Variants in PDXK observed in about 807,000 individuals in gnomAD.
PDXK encodes epididymis secretory sperm binding protein Li 1a.
In PDXK, 15 loss-of-function variants were observed where a neutral mutation model predicts 43.2. The ratio of observed to expected loss-of-function variants is 0.35; its 90% confidence interval spans 0.23 to 0.53. The LOEUF is 0.53. PDXK is among the 20% of genes least tolerant of loss of function. PDXK has a pLI of 0.92. For synonymous variants in PDXK, 172 were observed against 165.4 expected (o/e 1.04, Z -0.31); for missense variants, 343 against 417.0 (o/e 0.82, Z 1.54).
Position 43,755,121 on chromosome 21 carries a change from G to A in PDXK, c.760-577G>A, listed in dbSNP as rs539002811. ...CAAGGTCACATTCTGGGTTTGGCCAGCCCAGGGTTGTGGAGTCGGGGAGCG... is the reference window on the plus strand; with the variant it reads ...CAAGGTCACATTCTGGGTTTGGCCAACCCAGGGTTGTGGAGTCGGGGAGCG... On this transcript the variant is annotated intron_variant, in intron 9 of 10. Transcript: ENST00000291565. Among the ~76,000 whole-genome samples, 272 of 152,344 alleles carry A rather than the reference G, an allele frequency of 1.8e-3. 1 individual carries two copies. The highest frequency in any genetic ancestry group is 4.1e-3 in the South Asian group (20 of 4,826).
At chr21:43,720,512 G>A (rs1344524640) in intron 1 of PDXK, among the ~76,000 whole-genome samples, 3 of 152,206 alleles carry the variant, frequency 2.0e-5, no homozygotes, top group Non-Finnish European at 4.4e-5. Context: ...GTTCGAGTCC[G>A]AAGTAAGTGG....
rs2083882204 is a variant in PDXK, at chr21:43,758,136, G to C, written c.*2073G>C. 1 of 153,730 alleles carries C rather than the reference G, an allele frequency of 6.5e-6. No homozygotes were observed. The highest frequency in any genetic ancestry group is 2.1e-4 in the South Asian group (1 of 4,832). The allele number at this position is 153,730 out of a possible 1,614,324, so 9.5% of individuals were successfully genotyped here. A position where few individuals can be genotyped will look rare whatever the true frequency, so the allele number is the denominator to read the frequency against. On this transcript the variant is annotated 3_prime_UTR_variant, in exon 11 of 11. Coordinates refer to ENST00000291565, the MANE Select transcript of PDXK (RefSeq NM_003681.5). ...TCTGCCCCTGCAGTGGGTGTTACGGGCGGTGTGCCCTGGCGAGCAAGCTTT... is the reference window on the plus strand; with the variant it reads ...TCTGCCCCTGCAGTGGGTGTTACGGCCGGTGTGCCCTGGCGAGCAAGCTTT...
intron 2 of PDXK, 145 bp from the exon 3 acceptor site, chr21:43,741,522 A>G (rs754559436): frequency 1.4e-6 from 2 of 1,470,308 alleles, no homozygotes; most frequent in East Asian, 2.5e-5. Context: ...CACTGCGCCT[A>G]GTGATCTCCT....
At chr21:43,739,905 C>T (rs535640205) in intron 2 of PDXK, among the ~76,000 whole-genome samples, 2 of 151,072 alleles carry the variant, frequency 1.3e-5, no homozygotes, top group East Asian at 3.9e-4. Context: ...TTACCCCAAA[C>T]CCCGCCCCAG....
At chr21:43,729,687 T>G (rs2083293549) in intron 1 of PDXK, among the ~76,000 whole-genome samples, 1 of 152,142 alleles carries the variant, frequency 6.6e-6, no homozygotes, top group Non-Finnish European at 1.5e-5. Context: ...GCCTTGTTAT[T>G]GCACCACTTT....
Position 43,732,663 on chromosome 21 carries a change from G to T in PDXK, c.88-1406G>T. 1.3e-6 allele frequency: 1 copy of T among 777,828 alleles called. No individual in the cohort carries two copies. The highest frequency in any genetic ancestry group is 2.4e-6 in the Non-Finnish European group (1 of 417,028). 48.2% of individuals were successfully genotyped at this position (777,828 alleles called of 1,614,324 possible). A position where few individuals can be genotyped will look rare whatever the true frequency, so the allele number is the denominator to read the frequency against. On this transcript the variant is annotated intron_variant, in intron 1 of 10. Coordinates refer to ENST00000291565, the MANE Select transcript of PDXK (RefSeq NM_003681.5). The surrounding 1 kb of genome is among the most constrained non-coding windows in gnomAD (Gnocchi z 4.1). The stretch of plus-strand genomic sequence containing the variant: ...TTCACAGTCGGTTAGAATTTTAAAG[G>T]ATTTGAAATACTGCAAGCTATCTGT...
intron 6 of PDXK, 87 bp from the exon 7 acceptor site, chr21:43,750,413 G>A (rs2083714029): frequency 8.2e-7 from 1 of 1,212,872 alleles, no homozygotes; most frequent in East Asian, 2.6e-5. Flanking sequence ...GATTTCCAGA[G>A]CCGCTGCGGT....
chr21:43,749,810 C>T (rs2083702927), intron 6 of PDXK, among the ~76,000 whole-genome samples: 1 of 152,212 alleles, frequency 6.6e-6, no homozygotes, highest in Non-Finnish European at 1.5e-5. Context: ...TCACCTGCCG[C>T]CCTGTGAGGG....
chr21:43,741,796 AGG>A, intron 3 of PDXK, 25 bp downstream of exon 3: 2 of 1,481,622 alleles, frequency 1.3e-6, no homozygotes, highest in Non-Finnish European at 1.9e-6. Flanking sequence ...AAGCTGCCGC[AGG>A]GGACTACGCA....
chr21:43,733,439 A>G (rs371220695), intron 1 of PDXK, among the ~76,000 whole-genome samples: 1 of 152,134 alleles, frequency 6.6e-6, no homozygotes, highest in East Asian at 1.9e-4. Flanking sequence ...CCCCCAAACT[A>G]GCGGAGGCCG....
Position 43,734,867 on chromosome 21 carries a change from C to T in PDXK, c.142+744C>T, listed in dbSNP as rs1402608159. ...TCTTTGAAACCCCACCTCGCTTCCC[C>T]TGAAATTTCTCTGAACCCAGGCGGA... On this transcript the variant is annotated intron_variant, in intron 2 of 10. Transcript: ENST00000291565. This position sits in a 1 kb window ranked among gnomAD's most constrained non-coding sequence, Gnocchi z 5.0. 6.6e-6 allele frequency among the ~76,000 whole-genome samples: 1 copy of T among 152,238 alleles called. No individual in the cohort carries two copies. Among genetic ancestry groups the T allele is most frequent in the Non-Finnish European group, 1.5e-5 (1 of 68,052 alleles).
chr21:43,719,552 G>GA (rs1251267345), intron 1 of PDXK, 171 bp downstream of exon 1: 1 of 968,234 alleles, frequency 1.0e-6, no homozygotes, highest in African/African-American at 1.8e-5. Context: ...CTTGGCTTGC[G>GA]GGGGCGGAAG....
At chr21:43,747,631 C>T (rs1214759553) in intron 5 of PDXK, among the ~76,000 whole-genome samples, 1 of 152,374 alleles carries the variant, frequency 6.6e-6, no homozygotes, top group Non-Finnish European at 1.5e-5. Context: ...TCCCTGCCTT[C>T]CCTTCATGGT....
chr21:43,724,302 C>T (rs1240973221), intron 1 of PDXK, among the ~76,000 whole-genome samples: 1 of 152,152 alleles, frequency 6.6e-6, no homozygotes, highest in Admixed American at 6.5e-5. Flanking sequence ...GATGTCAGCA[C>T]CTGACTCCTA....
In PDXK at chr21:43,737,142, C is replaced by A; in HGVS notation, c.142+3019C>A. On this transcript the variant is annotated intron_variant, in intron 2 of 10. Coordinates refer to ENST00000291565, the MANE Select transcript of PDXK (RefSeq NM_003681.5). This position sits in a 1 kb window ranked among gnomAD's most constrained non-coding sequence, Gnocchi z 4.8. ...GGGGTGGTCACGTGGGCAGCTTCTG[C>A]CTGGGATGGGCCACAAAGCCAGACT... 1 of 1,404,124 alleles carries A rather than the reference C, an allele frequency of 7.1e-7. No homozygotes were observed. The highest frequency in any genetic ancestry group is 1.3e-5 in the South Asian group (1 of 75,424). 87.0% of individuals were successfully genotyped at this position (1,404,124 alleles called of 1,614,324 possible). A position where few individuals can be genotyped will look rare whatever the true frequency, so the allele number is the denominator to read the frequency against.
Position 43,753,630 on chromosome 21 carries a change from C to G in PDXK, c.670C>G (p.Arg224Gly). Residue 224 changes from arginine (R) to glycine (G), a missense_variant, in exon 9 of 11, where the codon CGC becomes GGC. Coordinates refer to ENST00000291565, the MANE Select transcript of PDXK (RefSeq NM_003681.5). ...VVMERIRMDIRKVDAVFVGTG... is the reference protein window; with the variant it reads ...VVMERIRMDIGKVDAVFVGTG... ...GATGGAACGCATCCGGATGGACATT[C>G]GCAAAGTGGACGCCGTCTTTGTGGG... 12 of 1,613,564 alleles carry G rather than the reference C, an allele frequency of 7.4e-6. No homozygotes were observed. The highest frequency in any genetic ancestry group is 9.3e-6 in the Non-Finnish European group (11 of 1,179,668).
At chr21:43,750,811 C>T (rs1076844) in intron 7 of PDXK, among the ~76,000 whole-genome samples, 119,954 of 150,616 alleles carry the variant, frequency 0.8, 48,396 homozygotes, top group African/African-American at 0.94. Context: ...TGCGTGTGTG[C>T]GCGCACCCAT....
intron 1 of PDXK, among the ~76,000 whole-genome samples, chr21:43,720,566 T>C (rs1477401378): frequency 6.6e-6 from 1 of 152,162 alleles, no homozygotes; most frequent in African/African-American, 2.4e-5. Context: ...GTGGTCTTAC[T>C]TGAGACCCTG....
rs569706188 is a variant in PDXK, at chr21:43,722,962, T to C, written c.87+3581T>C. 2.4e-3 allele frequency among the ~76,000 whole-genome samples: 368 copies of C among 152,218 alleles called. 1 individual carries two copies. Among genetic ancestry groups the C allele is most frequent in the Non-Finnish European group, 4.0e-3 (274 of 68,012 alleles). On this transcript the variant is annotated intron_variant, in intron 1 of 10. Transcript: ENST00000291565. ...ATGCCATTCTCCTGCCTTAGCCTCC[T>C]GAGTAGCTGGGACCACAGGCGCCCG...
Sources: gnomAD v4.1 joint callset for allele counts (sites outside exome capture counted in the v4.1 genomes callset) on GRCh38, gnomAD v4.1.1 for gene constraint, Gnocchi (gnomAD v3.1) non-coding constraint, MANE v1.5 for transcripts, NCBI Gene and HGNC (gene_info 2026-07-23, HGNC 2026-07-21) for gene names.